ZCWPW2: variants seen among roughly 807,000 people sequenced by gnomAD.
ZCWPW2 encodes the protein zinc finger CW-type PWWP domain protein 2.
In ZCWPW2, 45 loss-of-function variants were observed where a neutral mutation model predicts 46.6. The ratio of observed to expected loss-of-function variants is 0.96; its 90% CI spans 0.76 to 1.24. The LOEUF (loss-of-function observed/expected upper bound fraction) is 1.24, where lower values mean the gene tolerates loss of function less well. ZCWPW2 is among the 50% of genes most tolerant of loss of function. The pLI, the probability that ZCWPW2 is intolerant of heterozygous loss-of-function variation, is 0.00. For synonymous variants in ZCWPW2, 152 were observed against 137.1 expected (o/e 1.11, Z -0.76); for missense variants, 429 against 403.9 (o/e 1.06, Z -0.53).
chr3:28,396,134 T>C (rs1216329378), intron 2 of ZCWPW2, among the ~76,000 whole-genome samples: 1 of 152,102 alleles, frequency 6.6e-6, no homozygotes, highest in Non-Finnish European at 1.5e-5. Flanking sequence ...CATGAAACAT[T>C]AGAACACAAC....
chr3:28,389,073 ATTG>A lies in ZCWPW2; in HGVS notation c.-133-1420_-133-1418del, dbSNP rs1428478134. ...CCTAAACTTCCAGTTCAATGGAATC[ATTG>A]TTGTGTCTCCTAGTGGAAGCATTTT... On this transcript the variant is annotated intron_variant, in intron 1 of 9. Transcript: ENST00000383768. Among the ~76,000 whole-genome samples the A allele has an allele frequency of 7.2e-5, 11 of 152,240 alleles. No individual in the cohort carries two copies. The East Asian group carries it at 2.1e-3, about 29-fold the overall frequency.
At chr3:28,519,886 T>C (rs1258096283) in intron 8 of ZCWPW2, among the ~76,000 whole-genome samples, 2 of 152,154 alleles carry the variant, frequency 1.3e-5, no homozygotes, top group Non-Finnish European at 2.9e-5. Flanking sequence ...AGTCAAGAAC[T>C]CAAATGCATA....
At chr3:28,429,316 G>A (rs1007836762) in intron 3 of ZCWPW2, among the ~76,000 whole-genome samples, 2 of 152,176 alleles carry the variant, frequency 1.3e-5, no homozygotes, top group Admixed American at 1.3e-4. Context: ...TAGAGATTCT[G>A]TGGAACTTTG....
chr3:28,462,018 C>T (rs977219893), intron 4 of ZCWPW2, among the ~76,000 whole-genome samples: 14 of 152,048 alleles, frequency 9.2e-5, no homozygotes, highest in African/African-American at 2.7e-4. Context: ...TCTTTTACTG[C>T]GAAAAGTAGT....
intron 6 of ZCWPW2, among the ~76,000 whole-genome samples, chr3:28,506,389 C>T: frequency 6.6e-6 from 1 of 151,882 alleles, no homozygotes; most frequent in East Asian, 1.9e-4. Flanking sequence ...TAAAAATTTG[C>T]ATTTCTATCA....
chr3:28,421,863 TG>T (rs1438029227), intron 3 of ZCWPW2, among the ~76,000 whole-genome samples: 45 of 151,490 alleles, frequency 3.0e-4, no homozygotes, highest in African/African-American at 1.1e-3. Flanking sequence ...TGTGTGTGTG[TG>T]TGTGTGTGTG....
At position 28,405,069 on chromosome 3, in the gene ZCWPW2, T is replaced by C. The variant is rs1223244882; in HGVS notation, c.-13-7987T>C. On this transcript the variant is annotated intron_variant, in intron 2 of 9. Transcript: ENST00000383768. ...TTGAACTCATTTAGACATATATTCT[T>C]ATCACATCTCACATAAAAAAAGAAA... 2.6e-5 allele frequency among the ~76,000 whole-genome samples: 4 copies of C among 152,216 alleles called. No homozygotes were observed. The East Asian group carries it at 7.7e-4, about 29-fold the overall frequency.
chr3:28,383,147 C>G (rs945902664), intron 1 of ZCWPW2, among the ~76,000 whole-genome samples: 3 of 151,972 alleles, frequency 2.0e-5, no homozygotes, highest in African/African-American at 7.2e-5. Context: ...GTCATCTCCC[C>G]AATATTAATA....
chr3:28,496,679 ATAT>A (rs1231884345), intron 6 of ZCWPW2, among the ~76,000 whole-genome samples: 10 of 152,024 alleles, frequency 6.6e-5, no homozygotes, highest in Non-Finnish European at 1.5e-4. Context: ...TTTATATAAA[ATAT>A]TATAGATGTA....
intron 5 of ZCWPW2, among the ~76,000 whole-genome samples, chr3:28,491,406 T>C (rs1288092539): frequency 6.6e-6 from 1 of 152,152 alleles, no homozygotes; most frequent in Non-Finnish European, 1.5e-5. Context: ...TGGGATAGTT[T>C]TTTATGAACT....
rs1324396391 is a variant in ZCWPW2 at position 28,348,968 on chromosome 3, A to G, written c.-369A>G. The stretch of plus-strand genomic sequence containing the variant: ...CTCCGGAAAGTGATTGGAAGTGTGG[A>G]TGAGCTCTCAGCCGGAAAAGGGGCT... On this transcript the variant is annotated 5_prime_UTR_variant, in exon 1 of 10. It removes an upstream start codon present in the reference 5' UTR. Transcript: ENST00000383768. 1.0e-6 allele frequency: 1 copy of G among 985,562 alleles called. No individual in the cohort carries two copies. The highest frequency in any genetic ancestry group is 1.2e-6 in the Non-Finnish European group (1 of 830,140). The allele number at this position is 985,562 out of a possible 1,614,324, so 61.1% of individuals were successfully genotyped here. A position where few individuals can be genotyped will look rare whatever the true frequency, so the allele number is the denominator to read the frequency against.
chr3:28,386,997 C>A (rs1468345885), intron 1 of ZCWPW2, among the ~76,000 whole-genome samples: 1 of 152,188 alleles, frequency 6.6e-6, no homozygotes, highest in African/African-American at 2.4e-5. Flanking sequence ...TCCTGTTCCT[C>A]CTGAATATCA....
intron 6 of ZCWPW2, among the ~76,000 whole-genome samples, chr3:28,492,491 C>T (rs1318481479): frequency 1.3e-5 from 2 of 151,936 alleles, no homozygotes; most frequent in Admixed American, 1.3e-4. Flanking sequence ...TACTATATTA[C>T]TCTAATGTGT....
At chr3:28,423,528 A>G (rs948987942) in intron 3 of ZCWPW2, among the ~76,000 whole-genome samples, 1 of 151,184 alleles carries the variant, frequency 6.6e-6, no homozygotes, top group Non-Finnish European at 1.5e-5. Flanking sequence ...TACCACGCCC[A>G]GCTAATTTTT....
At chr3:28,497,858 G>T (rs1035926930) in intron 6 of ZCWPW2, among the ~76,000 whole-genome samples, 1 of 151,908 alleles carries the variant, frequency 6.6e-6, no homozygotes, top group Non-Finnish European at 1.5e-5. Context: ...TGTAGTACAC[G>T]TGCACCTGCC....
At chr3:28,396,078 A>G (rs890401617) in intron 2 of ZCWPW2, among the ~76,000 whole-genome samples, 3 of 152,148 alleles carry the variant, frequency 2.0e-5, no homozygotes, top group Non-Finnish European at 2.9e-5. Flanking sequence ...CAGCAGGGTC[A>G]GTAGAGAGTT....
At chr3:28,429,636 A>G (rs887044625) in intron 3 of ZCWPW2, among the ~76,000 whole-genome samples, 5 of 152,192 alleles carry the variant, frequency 3.3e-5, no homozygotes, top group African/African-American at 7.2e-5. Flanking sequence ...TCTCCAGGGC[A>G]TATCAGAGGT....
intron 5 of ZCWPW2, among the ~76,000 whole-genome samples, chr3:28,482,069 G>A (rs1236225898): frequency 1.3e-5 from 2 of 152,170 alleles, no homozygotes; most frequent in African/African-American, 4.8e-5. Flanking sequence ...CTGGAGAAAT[G>A]TATAATGACC....
In ZCWPW2 at chr3:28,428,891, C is replaced by T. The variant is rs1575122459; in HGVS notation, c.333-6219C>T. Among the ~76,000 whole-genome samples, 4 of 152,244 alleles carry T rather than the reference C, an allele frequency of 2.6e-5. No homozygotes were observed. The Middle Eastern group carries it at 0.01, about 388-fold the overall frequency. On this transcript the variant is annotated intron_variant, in intron 3 of 9. Transcript: ENST00000383768. ...GTCATGATTTTAAGTTTCCTGAGGC[C>T]TCCCCAACCATGTGGAACTGGGGAG...
Sources: gnomAD v4.1 joint callset for allele counts (sites outside exome capture counted in the v4.1 genomes callset) on GRCh38, gnomAD v4.1.1 for gene constraint, MANE v1.5 for transcripts, NCBI Gene and HGNC (gene_info 2026-07-23, HGNC 2026-07-21) for gene names.